SBF2: variants seen among roughly 807,000 people sequenced by gnomAD.
SBF2 encodes the protein SET binding factor 2.
Under a neutral mutation model 225.2 loss-of-function variants are expected in SBF2, and 112 were observed. The ratio of observed to expected loss-of-function variants is 0.50; its 90% CI spans 0.43 to 0.58. The LOEUF (loss-of-function observed/expected upper bound fraction) is 0.58, where lower values mean the gene tolerates loss of function less well. Ranked by LOEUF, SBF2 falls within the 20% of genes least tolerant of loss-of-function variation. The probability of loss-of-function intolerance (pLI) is 0.00; values close to 1 mark genes in which losing one functional copy is unlikely to be tolerated. For synonymous variants in SBF2, 763 were observed against 773.3 expected, an observed-to-expected ratio of 0.99 and a Z score of 0.22; for missense variants, 1,996 against 2,206.2, an observed-to-expected ratio of 0.90 and a Z score of 1.91.
intron 17 of SBF2, among the ~76,000 whole-genome samples, chr11:9,873,805 T>C (rs1351923835): frequency 6.6e-6 from 1 of 152,126 alleles, no homozygotes; most frequent in Admixed American, 6.5e-5. Flanking sequence ...TCCCAGCACT[T>C]TGGGAGGCCG....
chr11:10,124,779 AAT>A (rs1565256800), intron 2 of SBF2, among the ~76,000 whole-genome samples: 1 of 152,072 alleles, frequency 6.6e-6, no homozygotes, highest in Non-Finnish European at 1.5e-5. Context: ...AAAACAAAAA[AAT>A]ATATATACTC....
In SBF2 at chr11:10,002,748, A is replaced by G. The variant is rs1038825322; in HGVS notation, c.620-59T>C. On this transcript the variant is annotated intron_variant, in intron 6 of 39. Coordinates refer to ENST00000256190, the MANE Select transcript of SBF2 (RefSeq NM_030962.4). ...TTTAATTTTATATGTGTTGTCAACA[A>G]TCATAGACAGTATACACGGAAAGAA... is the stretch of plus-strand genomic sequence containing the variant. 2.0e-6 allele frequency: 3 copies of G among 1,518,938 alleles called. No individual in the cohort carries two copies. In the African/African-American group the frequency reaches 4.1e-5, roughly 21 times the overall value. 94.1% of individuals were successfully genotyped at this position (1,518,938 alleles called of 1,614,324 possible). A position where few individuals can be genotyped will look rare whatever the true frequency, so the allele number is the denominator to read the frequency against.
intron 32 of SBF2, 63 bp downstream of exon 32, chr11:9,807,937 A>C: frequency 7.0e-7 from 1 of 1,434,424 alleles, no homozygotes; most frequent in South Asian, 1.2e-5. Flanking sequence ...GCAATGCTCC[A>C]TCAATGCTAG....
At chr11:10,211,354 G>C (rs1321441776) in intron 1 of SBF2, among the ~76,000 whole-genome samples, 1 of 152,162 alleles carries the variant, frequency 6.6e-6, no homozygotes, top group Non-Finnish European at 1.5e-5. Context: ...TTAAAATTTA[G>C]TATATCCTGA....
chr11:10,297,991 C>A (rs1964563737), upstream of SBF2, among the ~76,000 whole-genome samples: 1 of 152,266 alleles, frequency 6.6e-6, no homozygotes, highest in Non-Finnish European at 1.5e-5. Flanking sequence ...GAGAGTAAAG[C>A]AAGCCCAGAT....
chr11:10,148,671 A>T (rs1955007749), intron 2 of SBF2, among the ~76,000 whole-genome samples: 1 of 152,098 alleles, frequency 6.6e-6, no homozygotes, highest in Non-Finnish European at 1.5e-5. Flanking sequence ...CCTTAAAGAG[A>T]AGATATCTGT....
intron 23 of SBF2, 117 bp from the exon 24 acceptor site, chr11:9,845,857 G>C (rs1234547783): frequency 1.1e-6 from 1 of 892,522 alleles, no homozygotes; most frequent in East Asian, 2.4e-5. Context: ...AGGGACTTTG[G>C]ATAACATGCA....
chr11:9,841,586 G>A (rs1856152423), intron 25 of SBF2, among the ~76,000 whole-genome samples: 1 of 151,470 alleles, frequency 6.6e-6, no homozygotes, highest in Admixed American at 6.6e-5. Flanking sequence ...AGGCTGGAGT[G>A]CAGTGGTGCA....
At chr11:10,159,881 C>T (rs191843026) in intron 2 of SBF2, among the ~76,000 whole-genome samples, 411 of 151,642 alleles carry the variant, frequency 2.7e-3, no homozygotes, top group African/African-American at 8.9e-3. Context: ...CAGAGCAAGA[C>T]TCCGTCTCAA....
intron 6 of SBF2, among the ~76,000 whole-genome samples, chr11:10,012,920 G>C (rs950798822): frequency 6.6e-6 from 1 of 151,994 alleles, no homozygotes; most frequent in Non-Finnish European, 1.5e-5. Context: ...CCCTGTGTTT[G>C]CATGGTTCAC....
Position 10,199,100 on chromosome 11 carries a change from G to T in SBF2, c.56-5113C>A, listed in dbSNP as rs183325516. Reference sequence around the variant, plus strand: ...CTAAACATAATCATTTCTAGATTTTGATTTGAAGTGAGAGACATGCAATTC... The same window carrying T: ...CTAAACATAATCATTTCTAGATTTTTATTTGAAGTGAGAGACATGCAATTC... On this transcript the variant is annotated intron_variant, in intron 1 of 39. Transcript: ENST00000256190. Among the ~76,000 whole-genome samples the T allele has an allele frequency of 5.7e-4, 86 of 152,200 alleles. No individual in the cohort carries two copies. The East Asian group carries it at 0.013, about 23-fold the overall frequency.
chr11:10,016,163 C>T (rs559162046), intron 6 of SBF2, among the ~76,000 whole-genome samples: 1 of 152,232 alleles, frequency 6.6e-6, no homozygotes, highest in East Asian at 1.9e-4. Context: ...AAATAATATT[C>T]ATAATCAGTA....
At position 10,070,506 on chromosome 11, in the gene SBF2, C is replaced by T. The variant is rs370034826; in HGVS notation, c.142-27525G>A. ...TTATTTCTGAAGGCTTTGTTCTGTT[C>T]CATTGGTGTATATATGTGGTTTGGT... On this transcript the variant is annotated intron_variant, in intron 2 of 39. Coordinates refer to ENST00000256190, the MANE Select transcript of SBF2 (RefSeq NM_030962.4). Among the ~76,000 whole-genome samples the T allele has an allele frequency of 2.6e-5, 4 of 152,110 alleles. No homozygotes were observed. The East Asian group carries it at 7.7e-4, about 29-fold the overall frequency.
intron 3 of SBF2, among the ~76,000 whole-genome samples, chr11:10,042,335 C>G (rs1949684759): frequency 6.6e-6 from 1 of 152,124 alleles, no homozygotes; most frequent in Admixed American, 6.5e-5. Context: ...AGAACCTCAA[C>G]CAATAGTCTG....
At chr11:9,898,414 T>C (rs1406207409) in intron 16 of SBF2, among the ~76,000 whole-genome samples, 1 of 152,204 alleles carries the variant, frequency 6.6e-6, no homozygotes, top group African/African-American at 2.4e-5. Flanking sequence ...TTCACACCTG[T>C]AATCCCAGCA....
At chr11:10,020,224 C>T (rs950219206) in intron 6 of SBF2, among the ~76,000 whole-genome samples, 2 of 152,098 alleles carry the variant, frequency 1.3e-5, no homozygotes, top group African/African-American at 4.8e-5. Flanking sequence ...TGAGCTCACG[C>T]AGGTGCAGTA....
At chr11:10,073,902 T>A (rs979875153) in intron 2 of SBF2, among the ~76,000 whole-genome samples, 1 of 152,186 alleles carries the variant, frequency 6.6e-6, no homozygotes, top group Non-Finnish European at 1.5e-5. Flanking sequence ...TTATTACTTA[T>A]GTTTTAGGTA....
intron 39 of SBF2, chr11:9,780,881 T>A (rs956069071): frequency 3.0e-6 from 1 of 334,460 alleles, no homozygotes; most frequent in Non-Finnish European, 5.8e-6. Context: ...TCCAGGGGGA[T>A]GCCTGAGATT....
chr11:9,916,632 C>G (rs1019456777), intron 16 of SBF2, among the ~76,000 whole-genome samples: 8 of 139,480 alleles, frequency 5.7e-5, no homozygotes, highest in African/African-American at 8.1e-5. Flanking sequence ...GGGTCTTGCT[C>G]TGTTGCCCAG....
Sources: allele counts gnomAD v4.1 joint callset (sites outside exome capture counted in the v4.1 genomes callset), GRCh38; gene constraint gnomAD v4.1.1; transcripts MANE v1.5; gene names NCBI Gene and HGNC (gene_info 2026-07-23, HGNC 2026-07-21).